Variants in DNPEP observed in about 807,000 individuals in gnomAD.
The protein encoded by DNPEP is aspartyl aminopeptidase.
Under a neutral mutation model 59.1 loss-of-function variants are expected in DNPEP, and 46 were observed. That is an observed-to-expected ratio of 0.78 (90% CI 0.61 to 0.99). The LOEUF (loss-of-function observed/expected upper bound fraction) is 0.99. Ranked by LOEUF, DNPEP falls within the 50% of genes least tolerant of loss-of-function variation. DNPEP has a pLI of 0.00. For synonymous variants in DNPEP, 229 were observed against 242.2 expected, an observed-to-expected ratio of 0.95 and a Z score of 0.50; for missense variants, 617 against 649.9, an observed-to-expected ratio of 0.95 and a Z score of 0.55.
chr2:219,381,852 C>T (rs1227069086), intron 11 of DNPEP, 127 bp downstream of exon 11: 23 of 1,231,044 alleles, frequency 1.9e-5, no homozygotes, highest in Non-Finnish European at 2.5e-5. Context: ...AAGGAAGTGC[C>T]CGTGAACCTC....
At chr2:219,378,027 A>T (rs778585373) in intron 13 of DNPEP, among the ~76,000 whole-genome samples, 11 of 152,320 alleles carry the variant, frequency 7.2e-5, no homozygotes, top group East Asian at 1.9e-4. Flanking sequence ...ATATCATTTT[A>T]AAAAAGTGTA....
At position 219,386,903 on chromosome 2, in the gene DNPEP, G is replaced by T. The variant is rs534944028; in HGVS notation, c.208C>A (p.Pro70Thr). Residue 70 changes from proline (P) to threonine (T), a missense_variant, in exon 3 of 15, where the codon CCC becomes ACC. Coordinates refer to ENST00000273075, the MANE Select transcript of DNPEP (RefSeq NM_012100.4). The part of the protein sequence containing the change: ...LKETEKWNIK[P>T]ESKYFMTRNS... The stretch of plus-strand genomic sequence containing the variant: ...CCCACCCCCAGTACCTTGCTCTCGG[G>T]CTTAATATTCCATTTCTCAGTCTCC... 44 of 1,613,668 alleles carry T rather than the reference G, an allele frequency of 2.7e-5. No individual in the cohort carries two copies. The highest frequency in any genetic ancestry group is 3.5e-5 in the Non-Finnish European group (41 of 1,179,852).
At position 219,384,298 on chromosome 2, in the gene DNPEP, T is replaced by TC. The variant is rs1158701821; in HGVS notation, c.852+67dup. On this transcript the variant is annotated intron_variant, in intron 9 of 14. Coordinates refer to ENST00000273075, the MANE Select transcript of DNPEP (RefSeq NM_012100.4). The stretch of plus-strand genomic sequence containing the variant: ...ACAACCTGCTGGGGCTTTAGGCAGC[T>TC]CCCCCGACCCCAAACATACCACCTC... The TC allele has an allele frequency of 3.4e-6, 5 of 1,477,994 alleles. No individual in the cohort carries two copies. In the Admixed American group the frequency reaches 1.0e-4, roughly 29 times the overall value. The allele number at this position is 1,477,994 out of a possible 1,614,324, so 91.6% of individuals were successfully genotyped here.
chr2:219,377,959 C>G (rs1158890505), intron 13 of DNPEP, among the ~76,000 whole-genome samples: 1 of 149,932 alleles, frequency 6.7e-6, no homozygotes, highest in East Asian at 1.9e-4. Flanking sequence ...AAACCAAACT[C>G]AAATAGAAAG....
At chr2:219,386,206 CCT>C (rs1394833339) in intron 5 of DNPEP, 78 bp downstream of exon 5, 2 of 1,610,496 alleles carry the variant, frequency 1.2e-6, no homozygotes, top group African/African-American at 2.7e-5. Context: ...TGCCCCCACC[CCT>C]CTTCCCCACG....
At chr2:219,397,930 T>C (rs960450657) in intron 1 of DNPEP, among the ~76,000 whole-genome samples, 1 of 152,096 alleles carries the variant, frequency 6.6e-6, no homozygotes, top group Non-Finnish European at 1.5e-5. Context: ...AGATGGAGTT[T>C]CAGTATGTTG....
At position 219,383,181 on chromosome 2, in the gene DNPEP, G is replaced by A. The variant is rs771337391; in HGVS notation, c.886C>T (p.Leu296=). ...ATGCGCACGTGAGGCTCTGTGGCCA[G>A]GGAGCCAGGGCCTGCACAGGAATCT... The part of the protein sequence containing the change: ...LIDSCAGPGS[L]ATEPHVRMVT... The change falls in exon 10 of 15, where the codon CTG becomes TTG. Residue 296 remains leucine, a synonymous_variant. Transcript: ENST00000273075. 1.9e-6 allele frequency: 3 copies of A among 1,614,214 alleles called. No homozygotes were observed. The highest frequency in any genetic ancestry group is 2.2e-5 in the South Asian group (2 of 91,078).
In DNPEP at chr2:219,375,563, TTTTA is replaced by T. The variant is rs1953339499; in HGVS notation, c.1240-545_1240-542del. 2.0e-5 allele frequency among the ~76,000 whole-genome samples: 3 copies of T among 151,880 alleles called. No homozygotes were observed. The South Asian group carries it at 6.3e-4, about 32-fold the overall frequency. On this transcript the variant is annotated intron_variant, in intron 13 of 14. Coordinates refer to ENST00000273075, the MANE Select transcript of DNPEP (RefSeq NM_012100.4). ...TTTTTATTTAAAAATTTTTATTTTA[TTTTA>T]TTTATTTATTTTGAGATGGAGTCTC...
intron 13 of DNPEP, among the ~76,000 whole-genome samples, chr2:219,376,402 C>G (rs1406705443): frequency 6.6e-6 from 1 of 151,412 alleles, no homozygotes; most frequent in Non-Finnish European, 1.5e-5. Flanking sequence ...GTATGAGACT[C>G]TCTTGCACCT....
intron 10 of DNPEP, 101 bp downstream of exon 10, chr2:219,383,030 G>T (rs1449295795): frequency 2.8e-6 from 3 of 1,073,720 alleles, no homozygotes; most frequent in East Asian, 2.5e-5. Flanking sequence ...CCCCTGTCTT[G>T]GGGCCCCCAG....
At chr2:219,376,065 G>A (rs1410362277) in intron 13 of DNPEP, among the ~76,000 whole-genome samples, 3 of 152,242 alleles carry the variant, frequency 2.0e-5, no homozygotes, top group Middle Eastern at 6.8e-3. Flanking sequence ...AGACTTCCAA[G>A]AGTCAAAGGG....
At chr2:219,394,541 G>A (rs950594805) in intron 1 of DNPEP, among the ~76,000 whole-genome samples, 1 of 152,060 alleles carries the variant, frequency 6.6e-6, no homozygotes, top group African/African-American at 2.4e-5. Context: ...CTCCCAAACT[G>A]CTGGGATTAC....
At chr2:219,385,226 T>G (rs1953759224) in intron 8 of DNPEP, 198 bp downstream of exon 8, 1 of 546,332 alleles carries the variant, frequency 1.8e-6, no homozygotes, top group East Asian at 2.9e-5. Flanking sequence ...ATAGTCCTAG[T>G]GGGCAGGTCT....
At chr2:219,387,930 GC>G, upstream of DNPEP, 1 of 907,878 alleles carries the variant, frequency 1.1e-6, no homozygotes, top group Non-Finnish European at 1.5e-6. Context: ...GCGCCGCCCC[GC>G]CCCATGTTTG....
chr2:219,388,819 AG>A, upstream of DNPEP: 4 of 985,508 alleles, frequency 4.1e-6, no homozygotes, highest in Non-Finnish European at 4.8e-6. Context: ...TTTATGATAA[AG>A]ATTGGCCTGT....
intron 4 of DNPEP, 32 bp downstream of exon 4, chr2:219,386,633 C>A: frequency 6.3e-7 from 1 of 1,583,374 alleles, no homozygotes; most frequent in South Asian, 1.1e-5. Context: ...TCTGACATCT[C>A]CTCCCACCCC....
intron 1 of DNPEP, among the ~76,000 whole-genome samples, chr2:219,398,747 T>G (rs2125156002): frequency 6.6e-6 from 1 of 152,016 alleles, no homozygotes; most frequent in African/African-American, 2.4e-5. Flanking sequence ...AACATGAGGG[T>G]TTTCAGGCCC....
chr2:219,384,228 C>T (rs1474061798), intron 9 of DNPEP, 138 bp downstream of exon 9: 3 of 772,796 alleles, frequency 3.9e-6, no homozygotes, highest in Non-Finnish European at 2.1e-6. Context: ...CCTCCTGGTC[C>T]ATCCAGCACC....
intron 10 of DNPEP, 141 bp downstream of exon 10, chr2:219,382,990 C>T (rs1238269245): frequency 1.7e-5 from 11 of 641,224 alleles, no homozygotes; most frequent in Non-Finnish European, 2.2e-5. Context: ...AGAGGAGACA[C>T]CAAGTGCTAA....
Sources: gnomAD v4.1 joint callset for allele counts (sites outside exome capture counted in the v4.1 genomes callset) on GRCh38, gnomAD v4.1.1 for gene constraint, MANE v1.5 for transcripts, NCBI Gene and HGNC (gene_info 2026-07-23, HGNC 2026-07-21) for gene names.